EPHA5: variants seen among roughly 807,000 people sequenced by gnomAD.
The protein encoded by EPHA5 is EPH receptor A5.
EPHA5 carries 60 observed loss-of-function variants against 105.0 expected under a neutral mutation model. The ratio of observed to expected loss-of-function variants is 0.57; its 90% CI spans 0.46 to 0.71. The LOEUF is 0.71. Ranked by LOEUF, EPHA5 falls within the 30% of genes least tolerant of loss-of-function variation. The pLI is 0.00. For synonymous variants in EPHA5, 513 were observed against 449.1 expected (o/e 1.14, Z -1.80); for missense variants, 1,218 against 1,274.7 (o/e 0.96, Z 0.68).
At chr4:65,559,756 C>G (rs1256198531) in intron 3 of EPHA5, among the ~76,000 whole-genome samples, 1 of 152,070 alleles carries the variant, frequency 6.6e-6, no homozygotes, top group African/African-American at 2.4e-5. Context: ...ACTTCAGGGA[C>G]CCTTAGTCTG....
At chr4:65,445,259 T>G (rs1288056853) in intron 5 of EPHA5, among the ~76,000 whole-genome samples, 1 of 152,150 alleles carries the variant, frequency 6.6e-6, no homozygotes, top group Non-Finnish European at 1.5e-5. Flanking sequence ...TACAAACAAA[T>G]TGTTCAAAAT....
intron 5 of EPHA5, among the ~76,000 whole-genome samples, chr4:65,466,888 C>A (rs1014394321): frequency 6.6e-6 from 1 of 152,110 alleles, no homozygotes; most frequent in Non-Finnish European, 1.5e-5. Flanking sequence ...TGGAGGCATC[C>A]CTTCTGTAGC....
intron 7 of EPHA5, among the ~76,000 whole-genome samples, chr4:65,413,766 A>G (rs1322848464): frequency 2.0e-5 from 3 of 152,168 alleles, no homozygotes; most frequent in Non-Finnish European, 4.4e-5. Flanking sequence ...ATAGAGAAAA[A>G]AGTGATTCAA....
At position 65,557,259 on chromosome 4, in the gene EPHA5, T is replaced by TATATATATATATATATATATA. The variant is rs1560693532; in HGVS notation, c.910+44381_910+44382insTATATATATATATATATATAT. 6.6e-4 allele frequency among the ~76,000 whole-genome samples: 94 copies of TATATATATATATATATATATA among 142,270 alleles called. 1 individual carries two copies. The highest frequency in any genetic ancestry group is 8.2e-4 in the East Asian group (4 of 4,906). 93.3% of individuals were successfully genotyped at this position (142,270 alleles called of 152,430 possible). A position where few individuals can be genotyped will look rare whatever the true frequency, so the allele number is the denominator to read the frequency against. ...ATATATATATATATATATATATATA[T>TATATATATATATATATATATA]TCTCACACTTTGTTATTAACACTCC... On this transcript the variant is annotated intron_variant, in intron 3 of 16. Coordinates refer to ENST00000613740, the MANE Select transcript of EPHA5 (RefSeq NM_001281766.3).
intron 3 of EPHA5, among the ~76,000 whole-genome samples, chr4:65,583,401 C>T (rs772577896): frequency 8.6e-5 from 13 of 151,748 alleles, no homozygotes; most frequent in Non-Finnish European, 1.8e-4. Flanking sequence ...GGAGGACATT[C>T]GTCTTTAATC....
At chr4:65,427,381 A>T (rs9997982) in intron 5 of EPHA5, among the ~76,000 whole-genome samples, 10,802 of 151,810 alleles carry the variant, frequency 0.071, 616 homozygotes, top group African/African-American at 0.15. Context: ...ACAGGGTTTC[A>T]TCATCTTGGC....
At chr4:65,414,515 A>T in intron 6 of EPHA5, 72 bp from the exon 7 acceptor site, 1 of 1,502,674 alleles carries the variant, frequency 6.7e-7, no homozygotes, top group Non-Finnish European at 9.1e-7. Flanking sequence ...ATTTAGAATC[A>T]TAGATCAGAA....
rs183705921 is a variant in EPHA5 at position 65,656,335 on chromosome 4, G to C, written c.182-12908C>G. 2.4e-4 allele frequency among the ~76,000 whole-genome samples: 36 copies of C among 151,372 alleles called. 1 individual carries two copies. Among genetic ancestry groups the C allele is most frequent in the Non-Finnish European group, 1.5e-5 (1 of 67,814 alleles). Reference sequence around the variant, plus strand: ...AAAAATGTCAGTTACCTGATGAACTGACAGGTTTTCTACCAGGAAGTGAGA... The same window carrying C: ...AAAAATGTCAGTTACCTGATGAACTCACAGGTTTTCTACCAGGAAGTGAGA... On this transcript the variant is annotated intron_variant, in intron 1 of 16. Coordinates refer to ENST00000613740, the MANE Select transcript of EPHA5 (RefSeq NM_001281766.3).
Position 65,537,628 on chromosome 4 carries a change from A to C in EPHA5, c.911-42085T>G, listed in dbSNP as rs542389824. 1.3e-4 allele frequency among the ~76,000 whole-genome samples: 19 copies of C among 151,900 alleles called. No individual in the cohort carries two copies. The South Asian group carries it at 3.9e-3, about 31-fold the overall frequency. ...GCATATTTGGTATATCTAAGGCCAC[A>C]AAAGTGATTTTAGGTTCAACTTGCA... On this transcript the variant is annotated intron_variant, in intron 3 of 16. Coordinates refer to ENST00000613740, the MANE Select transcript of EPHA5 (RefSeq NM_001281766.3).
At chr4:65,442,717 A>G (rs1726139609) in intron 5 of EPHA5, among the ~76,000 whole-genome samples, 1 of 152,240 alleles carries the variant, frequency 6.6e-6, no homozygotes, top group Non-Finnish European at 1.5e-5. Context: ...AAGCAGAATA[A>G]AATTACATAT....
chr4:65,398,716 G>A (rs534294531), intron 8 of EPHA5, among the ~76,000 whole-genome samples: 4 of 152,220 alleles, frequency 2.6e-5, no homozygotes, highest in African/African-American at 9.6e-5. Flanking sequence ...CCCACTCTGG[G>A]TCTATTCTCC....
At chr4:65,430,471 A>G (rs972514276) in intron 5 of EPHA5, among the ~76,000 whole-genome samples, 1 of 152,114 alleles carries the variant, frequency 6.6e-6, no homozygotes, top group Non-Finnish European at 1.5e-5. Context: ...GTATGAATAC[A>G]TAGATAATGA....
Position 65,348,757 on chromosome 4 carries a change from A to G in EPHA5, c.2446-554T>C, listed in dbSNP as rs556225165. 5.1e-3 allele frequency among the ~76,000 whole-genome samples: 632 copies of G among 124,808 alleles called. 21 individuals carry two copies. Among genetic ancestry groups the G allele is most frequent in the Non-Finnish European group, 8.4e-3 (503 of 59,812 alleles). 81.9% of individuals were successfully genotyped at this position (124,808 alleles called of 152,430 possible). A position where few individuals can be genotyped will look rare whatever the true frequency, so the allele number is the denominator to read the frequency against. ...TATATATATGTGTGTGCATATATAT[A>G]TGTGTATATATATGTGTGTGCATGT... On this transcript the variant is annotated intron_variant, in intron 13 of 16. Coordinates refer to ENST00000613740, the MANE Select transcript of EPHA5 (RefSeq NM_001281766.3).
At chr4:65,489,128 A>G (rs1180284177) in intron 5 of EPHA5, among the ~76,000 whole-genome samples, 1 of 151,828 alleles carries the variant, frequency 6.6e-6, no homozygotes, top group Admixed American at 6.6e-5. Flanking sequence ...CGATCTCCTG[A>G]CCTCGTGATC....
intron 5 of EPHA5, among the ~76,000 whole-genome samples, chr4:65,481,687 G>A (rs1730379481): frequency 6.6e-6 from 1 of 152,146 alleles, no homozygotes; most frequent in South Asian, 2.1e-4. Flanking sequence ...TATGAGACTT[G>A]CAAGATTTTA....
At chr4:65,436,124 T>A (rs972098753) in intron 5 of EPHA5, among the ~76,000 whole-genome samples, 2 of 151,854 alleles carry the variant, frequency 1.3e-5, no homozygotes, top group Non-Finnish European at 2.9e-5. Context: ...CTGATGAGAG[T>A]TGCTTAATTT....
intron 16 of EPHA5, chr4:65,330,959 T>A: frequency 9.6e-7 from 1 of 1,043,172 alleles, no homozygotes; most frequent in African/African-American, 1.7e-5. Flanking sequence ...TAAATGGTGG[T>A]ACCCTGTTAC....
chr4:65,457,601 AC>A (rs1204533959), intron 5 of EPHA5, among the ~76,000 whole-genome samples: 1 of 151,746 alleles, frequency 6.6e-6, no homozygotes, highest in Non-Finnish European at 1.5e-5. Flanking sequence ...TGAAATAAAT[AC>A]TTTTTCTATA....
At chr4:65,484,664 T>C (rs1730705465) in intron 5 of EPHA5, among the ~76,000 whole-genome samples, 1 of 152,212 alleles carries the variant, frequency 6.6e-6, no homozygotes, top group South Asian at 2.1e-4. Context: ...TTTGGTTTTC[T>C]GGTTAGAATG....
Sources: gnomAD v4.1 joint callset for allele counts (sites outside exome capture counted in the v4.1 genomes callset) on GRCh38, gnomAD v4.1.1 for gene constraint, MANE v1.5 for transcripts, NCBI Gene and HGNC (gene_info 2026-07-23, HGNC 2026-07-21) for gene names.